The following RHBDD1 variants were observed in gnomAD, a reference collection of about 807,000 sequenced individuals.
RHBDD1 encodes the protein rhomboid-related protein 4.
A neutral mutation model predicts 36.3 loss-of-function variants in RHBDD1; 38 were observed. That is an observed-to-expected ratio of 1.05 (90% CI 0.81 to 1.37). The LOEUF (loss-of-function observed/expected upper bound fraction) is 1.37, where lower values mean the gene tolerates loss of function less well. Among genes scored for constraint, RHBDD1 ranks in the 40% most tolerant of loss-of-function variants. RHBDD1 has a pLI of 0.00. For synonymous variants in RHBDD1, 151 were observed against 136.5 expected (o/e 1.11, Z -0.74); for missense variants, 393 against 377.6 (o/e 1.04, Z -0.34).
chr2:226,910,506 C>T (rs1332588776), intron 7 of RHBDD1, among the ~76,000 whole-genome samples: 2 of 151,892 alleles, frequency 1.3e-5, no homozygotes, highest in East Asian at 1.9e-4. Flanking sequence ...GTCAAAGAAC[C>T]GCATGAATAT....
chr2:226,865,538 A>G (rs1944252897), intron 4 of RHBDD1, among the ~76,000 whole-genome samples: 1 of 152,206 alleles, frequency 6.6e-6, no homozygotes, highest in South Asian at 2.1e-4. Context: ...ACTCATCTGC[A>G]ACAAGTTACA....
At chr2:226,884,046 A>G (rs1946009024) in intron 5 of RHBDD1, among the ~76,000 whole-genome samples, 1 of 152,166 alleles carries the variant, frequency 6.6e-6, no homozygotes, top group Admixed American at 6.5e-5. Flanking sequence ...ACTATTGGAG[A>G]TAAACATTAT....
At chr2:226,902,168 T>C (rs1486986257) in intron 5 of RHBDD1, among the ~76,000 whole-genome samples, 1 of 152,218 alleles carries the variant, frequency 6.6e-6, no homozygotes, top group Non-Finnish European at 1.5e-5. Context: ...ATCTTCCACG[T>C]GGAGCTAAGA....
At chr2:226,910,285 A>G (rs1948428526) in intron 7 of RHBDD1, among the ~76,000 whole-genome samples, 1 of 152,182 alleles carries the variant, frequency 6.6e-6, no homozygotes, top group African/African-American at 2.4e-5. Context: ...AAAATAATAA[A>G]AAGCCCTTTT....
intron 8 of RHBDD1, among the ~76,000 whole-genome samples, chr2:226,925,339 CAAT>C (rs1387908152): frequency 2.0e-5 from 3 of 152,090 alleles, no homozygotes; most frequent in African/African-American, 7.2e-5. Context: ...ATTTGCACAA[CAAT>C]GTGTGCAAGG....
the RHBDD1 span, among the ~76,000 whole-genome samples, chr2:226,816,675 C>T: frequency 6.6e-6 from 1 of 152,178 alleles, no homozygotes; most frequent in Non-Finnish European, 1.5e-5. Context: ...GTGGGTGGAT[C>T]ACCTGAGGTT....
chr2:226,969,898 G>C (rs1219252655), intron 8 of RHBDD1, among the ~76,000 whole-genome samples: 1 of 151,880 alleles, frequency 6.6e-6, no homozygotes, highest in African/African-American at 2.4e-5. Context: ...CCTGTGGCGA[G>C]GCACAAAGGG....
intron 5 of RHBDD1, among the ~76,000 whole-genome samples, chr2:226,877,025 G>T (rs979237808): frequency 2.0e-5 from 3 of 152,204 alleles, no homozygotes; most frequent in African/African-American, 7.2e-5. Flanking sequence ...TTGAAGGTCA[G>T]TTTGGCCTCA....
intron 8 of RHBDD1, among the ~76,000 whole-genome samples, chr2:226,979,575 G>A (rs1955255462): frequency 6.6e-6 from 1 of 152,180 alleles, no homozygotes; most frequent in Admixed American, 6.5e-5. Flanking sequence ...CAGGAGGAGA[G>A]GAAGCAAGCA....
the RHBDD1 span, chr2:226,808,495 A>T: frequency 6.6e-6 from 1 of 152,192 alleles, no homozygotes; most frequent in Non-Finnish European, 1.5e-5. Context: ...GAAAGGCTGG[A>T]GCCTGGAATC....
At chr2:226,902,935 T>C (rs1018453811) in intron 5 of RHBDD1, among the ~76,000 whole-genome samples, 2 of 152,252 alleles carry the variant, frequency 1.3e-5, no homozygotes, top group Non-Finnish European at 2.9e-5. Flanking sequence ...ATTAATTGTT[T>C]AATAGGTTGA....
chr2:226,852,901 TTTATTATTATTA>T (rs34006366), intron 3 of RHBDD1, among the ~76,000 whole-genome samples: 7,042 of 125,152 alleles, frequency 0.056, 567 homozygotes, highest in African/African-American at 0.21. Context: ...ACCTGGCTAA[TTTATTATTATTA>T]TTATTATTAT....
the RHBDD1 span, among the ~76,000 whole-genome samples, chr2:226,823,668 T>C: frequency 5.9e-5 from 9 of 152,224 alleles, no homozygotes; most frequent in Non-Finnish European, 1.2e-4. Flanking sequence ...CTTAGTCCAA[T>C]TTATGCTGCT....
intron 8 of RHBDD1, among the ~76,000 whole-genome samples, chr2:226,933,097 C>G (rs1164592806): frequency 6.6e-6 from 1 of 152,060 alleles, no homozygotes; most frequent in Non-Finnish European, 1.5e-5. Flanking sequence ...ACCATCAGAT[C>G]TCATGAGACC....
chr2:226,970,855 C>T (rs779858711), intron 8 of RHBDD1, among the ~76,000 whole-genome samples: 1 of 152,136 alleles, frequency 6.6e-6, no homozygotes, highest in Non-Finnish European at 1.5e-5. Context: ...GGAGGGATAT[C>T]GTGCCCATCA....
At chr2:226,898,305 T>C (rs1383698497) in intron 5 of RHBDD1, among the ~76,000 whole-genome samples, 1 of 152,222 alleles carries the variant, frequency 6.6e-6, no homozygotes. Context: ...TTGTCTGTTA[T>C]CTTGGAAGCT....
the RHBDD1 span, among the ~76,000 whole-genome samples, chr2:226,822,168 A>G: frequency 2.0e-5 from 3 of 152,246 alleles, no homozygotes; most frequent in Non-Finnish European, 4.4e-5. Context: ...AACAATTTTT[A>G]CCATAGCCTG....
At chr2:226,803,267 G>A in the RHBDD1 span, among the ~76,000 whole-genome samples, 2 of 151,924 alleles carry the variant, frequency 1.3e-5, no homozygotes, top group Non-Finnish European at 2.9e-5. Flanking sequence ...GCTTTGATGG[G>A]GTAATAAGAG....
the RHBDD1 span, among the ~76,000 whole-genome samples, chr2:226,805,683 T>A: frequency 6.6e-6 from 1 of 152,246 alleles, no homozygotes; most frequent in African/African-American, 2.4e-5. Context: ...ATATTTAAAA[T>A]CTAAAATTTG....
Sources: allele counts gnomAD v4.1 joint callset (sites outside exome capture counted in the v4.1 genomes callset), GRCh38; gene constraint gnomAD v4.1.1; transcripts MANE v1.5; gene names NCBI Gene and HGNC (gene_info 2026-07-23, HGNC 2026-07-21).